ATP11B: variants seen among roughly 807,000 people sequenced by gnomAD.
ATP11B encodes phospholipid-transporting ATPase IF.
ATP11B carries 81 observed loss-of-function variants against 157.8 expected under a neutral mutation model. That is an observed-to-expected ratio of 0.51 (90% CI 0.43 to 0.62). The LOEUF is 0.62. Ranked by LOEUF, ATP11B falls within the 20% of genes least tolerant of loss-of-function variation. The pLI is 0.00. For missense variants in ATP11B, 1,165 were observed against 1,402.2 expected (o/e 0.83, Z 2.70); for synonymous variants, 451 against 469.4 (o/e 0.96, Z 0.51).
At chr3:182,878,900 G>A (rs1251616332) in intron 19 of ATP11B, among the ~76,000 whole-genome samples, 3 of 152,048 alleles carry the variant, frequency 2.0e-5, no homozygotes, top group Admixed American at 1.3e-4. Context: ...TCTAATTTGG[G>A]AGAATATCCT....
intron 23 of ATP11B, among the ~76,000 whole-genome samples, chr3:182,886,752 A>T (rs1196139051): frequency 6.6e-6 from 1 of 152,146 alleles, no homozygotes; most frequent in African/African-American, 2.4e-5. Flanking sequence ...TCTCAAATTG[A>T]TCAAGACACT....
intron 2 of ATP11B, among the ~76,000 whole-genome samples, chr3:182,823,166 G>A (rs1717480156): frequency 6.6e-6 from 1 of 152,168 alleles, no homozygotes; most frequent in Non-Finnish European, 1.5e-5. Flanking sequence ...TGCTTTTGGT[G>A]TTTTAGACAT....
intron 28 of ATP11B, among the ~76,000 whole-genome samples, chr3:182,910,606 G>T (rs1017530054): frequency 1.3e-5 from 2 of 152,174 alleles, no homozygotes; most frequent in African/African-American, 4.8e-5. Context: ...GAAAGGTGAT[G>T]AATGCAAAGC....
intron 29 of ATP11B, chr3:182,916,669 G>A: frequency 1.0e-6 from 1 of 983,748 alleles, no homozygotes; most frequent in Non-Finnish European, 1.2e-6. Flanking sequence ...AGTGTTTAAT[G>A]TTCTGTCAAA....
intron 10 of ATP11B, among the ~76,000 whole-genome samples, chr3:182,850,129 T>A (rs1475660099): frequency 2.6e-5 from 4 of 152,108 alleles, no homozygotes; most frequent in Admixed American, 6.5e-5. Flanking sequence ...GAAAATTGGA[T>A]AGCTACATGC....
At chr3:182,893,900 A>G (rs972448281) in intron 25 of ATP11B, among the ~76,000 whole-genome samples, 9 of 152,186 alleles carry the variant, frequency 5.9e-5, no homozygotes, top group Admixed American at 2.6e-4. Context: ...GTAAGGTGGT[A>G]TCACATTGTG....
intron 1 of ATP11B, among the ~76,000 whole-genome samples, chr3:182,811,164 CAT>C (rs1167294305): frequency 6.6e-6 from 1 of 152,108 alleles, no homozygotes; most frequent in African/African-American, 2.4e-5. Flanking sequence ...TATGGTGACT[CAT>C]AGCATTTTCA....
At chr3:182,837,931 A>G (rs549225475) in intron 7 of ATP11B, among the ~76,000 whole-genome samples, 1 of 152,212 alleles carries the variant, frequency 6.6e-6, no homozygotes, top group Non-Finnish European at 1.5e-5. Context: ...TTATTAAAAA[A>G]TTAAACGATT....
chr3:182,832,142 T>G (rs1718196735), intron 4 of ATP11B, among the ~76,000 whole-genome samples: 1 of 152,196 alleles, frequency 6.6e-6, no homozygotes, highest in Admixed American at 6.5e-5. Flanking sequence ...AAGTAAGAGT[T>G]TAATATAATC....
intron 21 of ATP11B, among the ~76,000 whole-genome samples, chr3:182,882,507 GA>G (rs745824796): frequency 1.5e-4 from 22 of 144,454 alleles, no homozygotes; most frequent in East Asian, 4.0e-4. Context: ...TTAGTGATTT[GA>G]AAAAAAAAAG....
At chr3:182,835,999 CT>C in intron 4 of ATP11B, 35 bp from the exon 5 acceptor site, 1 of 1,523,990 alleles carries the variant, frequency 6.6e-7, no homozygotes, top group Non-Finnish European at 8.9e-7. Flanking sequence ...TCAAATTATA[CT>C]GAAAAATTAT....
intron 7 of ATP11B, among the ~76,000 whole-genome samples, 197 bp from the exon 8 acceptor site, chr3:182,841,878 C>CT (rs1451323119): frequency 6.7e-6 from 1 of 148,608 alleles, no homozygotes; most frequent in Non-Finnish European, 1.5e-5. Context: ...ACTCGGGAGA[C>CT]TGAGGCAGGA....
chr3:182,826,339 G>T (rs1339536088), intron 2 of ATP11B, among the ~76,000 whole-genome samples: 3 of 152,176 alleles, frequency 2.0e-5, no homozygotes, highest in Admixed American at 1.3e-4. Flanking sequence ...TTATATAGCT[G>T]TTCTCTTCAG....
intron 2 of ATP11B, among the ~76,000 whole-genome samples, chr3:182,826,673 C>A (rs189307113): frequency 6.6e-6 from 1 of 152,270 alleles, no homozygotes; most frequent in East Asian, 1.9e-4. Context: ...TTCACATATT[C>A]CAGATTCAAA....
chr3:182,836,116 G>A lies in ATP11B; in HGVS notation c.397G>A (p.Val133Ile). Reference sequence around the variant, plus strand: ...TTATGTTGTTCGAAGTGGTGGCCTTGTAAAAACTAGATCAAAAAACATTCG... The same window carrying A: ...TTATGTTGTTCGAAGTGGTGGCCTTATAAAAACTAGATCAAAAAACATTCG... ...PVYVVRSGGLVKTRSKNIRVG... is the reference protein window; with the variant it reads ...PVYVVRSGGLIKTRSKNIRVG... Residue 133 changes from valine (V) to isoleucine (I), a missense_variant, in exon 5 of 30, where the codon GTA becomes ATA. Physicochemically the swap from Val to Ile is conservative, Grantham distance 29 (BLOSUM62 3). Transcript: ENST00000323116. 1 of 1,613,406 alleles carries A rather than the reference G, an allele frequency of 6.2e-7. No homozygotes were observed. Among genetic ancestry groups the A allele is most frequent in the Non-Finnish European group, 8.5e-7 (1 of 1,179,684 alleles).
intron 12 of ATP11B, among the ~76,000 whole-genome samples, chr3:182,864,654 T>C (rs920326522): frequency 1.3e-5 from 2 of 152,122 alleles, no homozygotes; most frequent in African/African-American, 4.8e-5. Context: ...GTTTCTGGAT[T>C]TGATTTGCAT....
At chr3:182,796,920 T>C (rs1715645938) in intron 1 of ATP11B, among the ~76,000 whole-genome samples, 1 of 152,236 alleles carries the variant, frequency 6.6e-6, no homozygotes, top group Admixed American at 6.5e-5. Context: ...TCCATAAATG[T>C]AATCCCTTTA....
chr3:182,803,949 A>G (rs1576946725), intron 1 of ATP11B, among the ~76,000 whole-genome samples: 2 of 152,242 alleles, frequency 1.3e-5, no homozygotes, highest in South Asian at 2.1e-4. Context: ...TATTTTAATG[A>G]TAAGTCTTGG....
chr3:182,862,945 T>A (rs1226850221), intron 12 of ATP11B, among the ~76,000 whole-genome samples: 2 of 151,992 alleles, frequency 1.3e-5, no homozygotes, highest in Admixed American at 6.6e-5. Context: ...AGACAGAGTC[T>A]CACTCTGTCT....
Sources: gnomAD v4.1 joint callset for allele counts (sites outside exome capture counted in the v4.1 genomes callset) on GRCh38, gnomAD v4.1.1 for gene constraint, MANE v1.5 for transcripts, NCBI Gene and HGNC (gene_info 2026-07-23, HGNC 2026-07-21) for gene names.